The following TANGO6 variants were observed in gnomAD, a reference collection of about 807,000 sequenced individuals.
TANGO6 encodes the protein transport and golgi organization 6 homolog, also known as transport and Golgi organization protein 6 homolog.
In TANGO6, 90 loss-of-function variants were observed where a neutral mutation model predicts 114.2. That is an observed-to-expected ratio of 0.79 (90% confidence interval 0.66 to 0.94). TANGO6 has a LOEUF of 0.94. Ranked by LOEUF, TANGO6 falls within the 40% of genes least tolerant of loss-of-function variation. The pLI, the probability that TANGO6 is intolerant of heterozygous loss-of-function variation, is 0.00. For synonymous variants in TANGO6, 477 were observed against 509.8 expected (o/e 0.94, Z 0.87); for missense variants, 1,274 against 1,315.3 (o/e 0.97, Z 0.49).
chr16:68,990,326 G>A (rs1303002824), intron 15 of TANGO6, among the ~76,000 whole-genome samples: 1 of 152,230 alleles, frequency 6.6e-6, no homozygotes, highest in African/African-American at 2.4e-5. Flanking sequence ...AGAAGGCAAG[G>A]AGGAGCAAAG....
intron 4 of TANGO6, chr16:68,867,733 AG>A (rs942503633): frequency 1.3e-5 from 2 of 153,840 alleles, no homozygotes; most frequent in African/African-American, 4.8e-5. Context: ...GCTACTTGGG[AG>A]GCTGAGGCAG....
chr16:68,848,752 G>A (rs1261215462), intron 1 of TANGO6, among the ~76,000 whole-genome samples: 1 of 152,080 alleles, frequency 6.6e-6, no homozygotes, highest in African/African-American at 2.4e-5. Context: ...AACCAATGAA[G>A]TGATCTTTTT....
At chr16:68,976,909 C>T (rs892536089) in intron 15 of TANGO6, among the ~76,000 whole-genome samples, 2 of 152,138 alleles carry the variant, frequency 1.3e-5, no homozygotes, top group Non-Finnish European at 2.9e-5. Flanking sequence ...TTGTCCTTGG[C>T]TTTTTAGTAA....
intron 11 of TANGO6, among the ~76,000 whole-genome samples, chr16:68,913,406 T>TAA (rs1962955188): frequency 6.2e-5 from 6 of 96,844 alleles, no homozygotes; most frequent in Admixed American, 1.0e-4. Context: ...AATTATTAAT[T>TAA]TTTTTTTTTT....
At chr16:68,928,339 C>G (rs1048500449) in intron 13 of TANGO6, among the ~76,000 whole-genome samples, 3 of 128,650 alleles carry the variant, frequency 2.3e-5, no homozygotes, top group African/African-American at 8.9e-5. Flanking sequence ...GAATCTCGCT[C>G]TGTCCCCCAG....
At chr16:68,916,824 T>C (rs947217686) in intron 11 of TANGO6, among the ~76,000 whole-genome samples, 2 of 152,148 alleles carry the variant, frequency 1.3e-5, no homozygotes, top group African/African-American at 4.8e-5. Flanking sequence ...TTACACTCCC[T>C]GCACTCACAC....
chr16:68,858,183 C>T (rs138679719), intron 1 of TANGO6, among the ~76,000 whole-genome samples: 1,925 of 152,068 alleles, frequency 0.013, 39 homozygotes, highest in African/African-American at 0.042. Context: ...CCTGCCTCAG[C>T]CTCCTGAGTG....
intron 15 of TANGO6, among the ~76,000 whole-genome samples, chr16:68,983,350 A>G (rs1963859153): frequency 6.6e-6 from 1 of 152,182 alleles, no homozygotes; most frequent in Non-Finnish European, 1.5e-5. Flanking sequence ...CTAATGCTCA[A>G]AATTCTTTAT....
At chr16:68,981,927 TC>T (rs1428899902) in intron 15 of TANGO6, among the ~76,000 whole-genome samples, 1 of 152,222 alleles carries the variant, frequency 6.6e-6, no homozygotes, top group Non-Finnish European at 1.5e-5. Context: ...AGCATTTCTG[TC>T]CCAAGTGTTT....
chr16:68,979,277 C>T (rs1001711931), intron 15 of TANGO6, among the ~76,000 whole-genome samples: 2 of 151,740 alleles, frequency 1.3e-5, no homozygotes, highest in East Asian at 1.9e-4. Context: ...TTATCCAGGC[C>T]GGAGTGCAGT....
At chr16:68,884,735 C>A (rs557750167) in intron 7 of TANGO6, among the ~76,000 whole-genome samples, 7 of 152,160 alleles carry the variant, frequency 4.6e-5, no homozygotes, top group Admixed American at 4.6e-4. Flanking sequence ...CAGATAATTT[C>A]TTTCTAGCAA....
At chr16:68,889,360 ATCCAAAAGATTT>A (rs1962581510) in intron 7 of TANGO6, among the ~76,000 whole-genome samples, 2 of 152,302 alleles carry the variant, frequency 1.3e-5, no homozygotes, top group Admixed American at 1.3e-4. Flanking sequence ...AGAAAATAAA[ATCCAAAAGATTT>A]TGTGAAGTGA....
intron 17 of TANGO6, among the ~76,000 whole-genome samples, chr16:69,059,702 G>A (rs556012520): frequency 6.6e-6 from 1 of 151,940 alleles, no homozygotes; most frequent in Non-Finnish European, 1.5e-5. Flanking sequence ...TGTATTTTTA[G>A]TAGAGACGAG....
chr16:69,031,780 C>A (rs941546391), intron 16 of TANGO6, among the ~76,000 whole-genome samples: 6 of 151,998 alleles, frequency 3.9e-5, no homozygotes, highest in African/African-American at 1.4e-4. Flanking sequence ...GCCTCAGCCT[C>A]CCAAGTAGCT....
intron 14 of TANGO6, among the ~76,000 whole-genome samples, chr16:68,939,697 A>G (rs1009086586): frequency 3.9e-5 from 6 of 152,174 alleles, no homozygotes; most frequent in Admixed American, 1.3e-4. Context: ...ACATTAATTC[A>G]GAAAAGCTAG....
chr16:68,961,127 T>C (rs1018615332), intron 14 of TANGO6, among the ~76,000 whole-genome samples: 1 of 152,178 alleles, frequency 6.6e-6, no homozygotes, highest in Non-Finnish European at 1.5e-5. Flanking sequence ...TGGCTGTGCA[T>C]GTGGGATGCA....
chr16:68,958,180 AAAAC>A (rs1343870217), intron 14 of TANGO6, among the ~76,000 whole-genome samples: 1 of 151,350 alleles, frequency 6.6e-6, no homozygotes. Context: ...TCAAAAAAAA[AAAAC>A]AAATTAAATT....
chr16:68,908,392 A>C (rs1962880432), intron 10 of TANGO6, among the ~76,000 whole-genome samples: 1 of 152,020 alleles, frequency 6.6e-6, no homozygotes, highest in Non-Finnish European at 1.5e-5. Context: ...TTAATTGTAT[A>C]CTTAAAAAAA....
At chr16:69,005,206 A>G (rs1387972015) in intron 15 of TANGO6, among the ~76,000 whole-genome samples, 1 of 152,224 alleles carries the variant, frequency 6.6e-6, no homozygotes, top group Admixed American at 6.5e-5. Context: ...GCTTTAACCA[A>G]TTGCTCAACT....
Sources: allele counts gnomAD v4.1 joint callset (sites outside exome capture counted in the v4.1 genomes callset), GRCh38; gene constraint gnomAD v4.1.1; transcripts MANE v1.5; gene names NCBI Gene and HGNC (gene_info 2026-07-23, HGNC 2026-07-21).